NTNG2: variants seen among roughly 807,000 people sequenced by gnomAD.
NTNG2 encodes the protein netrin G2.
A neutral mutation model predicts 47.6 loss-of-function variants in NTNG2; 15 were observed. That is an observed-to-expected ratio of 0.32 (90% confidence interval 0.21 to 0.49). The LOEUF (loss-of-function observed/expected upper bound fraction) is 0.49, where lower values mean the gene tolerates loss of function less well. Ranked by LOEUF, NTNG2 falls within the 20% of genes least tolerant of loss-of-function variation. The probability of loss-of-function intolerance (pLI) is 0.99; values close to 1 mark genes in which losing one functional copy is unlikely to be tolerated. For synonymous variants in NTNG2, 307 were observed against 324.6 expected (o/e 0.95, Z 0.58); for missense variants, 578 against 764.6 (o/e 0.76, Z 2.88).
chr9:132,244,086 TGATG>T lies in NTNG2; in HGVS notation c.*1977_*1980del, dbSNP rs1436144910. On this transcript the variant is annotated 3_prime_UTR_variant, in exon 8 of 8. Coordinates refer to ENST00000393229, the MANE Select transcript of NTNG2 (RefSeq NM_032536.4). The stretch of plus-strand genomic sequence containing the variant: ...CTGGGCAGTGAGATGTAAGCAGGAC[TGATG>T]GGTGGGCTTCCAGAAAGTTCTTAAA... The T allele has an allele frequency of 6.6e-6, 1 of 152,088 alleles. No individual in the cohort carries two copies. The highest frequency in any genetic ancestry group is 1.5e-5 in the Non-Finnish European group (1 of 68,040). The allele number at this position is 152,088 out of a possible 1,614,324, so 9.4% of individuals were successfully genotyped here.
At position 132,198,371 on chromosome 9, in the gene NTNG2, AAGG is replaced by A; in HGVS notation, c.622_624del (p.Glu208del). ...GTACTCGCGCTGGGCAGGCTCCAAG[AAGG>A]AGAAGCACGTGCGCTTCGAGGTGCG... On this transcript the variant is annotated inframe_deletion, in exon 3 of 8. Transcript: ENST00000393229. 2 of 1,612,968 alleles carry A rather than the reference AAGG, an allele frequency of 1.2e-6. No homozygotes were observed. Among genetic ancestry groups the A allele is most frequent in the East Asian group, 2.2e-5 (1 of 44,874 alleles).
Position 132,226,842 on chromosome 9 carries a change from T to TC in NTNG2, c.858-3dup, listed in dbSNP as rs752751550. 1.3e-6 allele frequency: 2 copies of TC among 1,589,244 alleles called. No individual in the cohort carries two copies. Among genetic ancestry groups the TC allele is most frequent in the South Asian group, 1.1e-5 (1 of 88,152 alleles). ...CTGACATCTCTGCCCTCTCGGTGTC[T>TC]CCCCAGGTGCAAGTGCAACCTGCAC... On this transcript the variant is annotated splice_polypyrimidine_tract_variant and splice_region_variant and intron_variant, in intron 3 of 7. Transcript: ENST00000393229. The surrounding 1 kb of genome is among the most constrained non-coding windows in gnomAD (Gnocchi z 4.8).
At chr9:132,207,509 AC>A (rs1259956176) in intron 3 of NTNG2, among the ~76,000 whole-genome samples, 2 of 152,164 alleles carry the variant, frequency 1.3e-5, no homozygotes, top group African/African-American at 4.8e-5. Context: ...CTACAGGGAC[AC>A]CAATCACATC....
At chr9:132,219,640 G>T (rs977138794) in intron 3 of NTNG2, among the ~76,000 whole-genome samples, 1 of 151,640 alleles carries the variant, frequency 6.6e-6, no homozygotes, top group Admixed American at 6.6e-5. Flanking sequence ...ATCACTGACC[G>T]CTTTCACTTG....
chr9:132,238,934 C>A, intron 5 of NTNG2, 170 bp from the exon 6 acceptor site: 1 of 703,310 alleles, frequency 1.4e-6, no homozygotes. Context: ...AGGCCTCTCT[C>A]TTCCTGAATC....
chr9:132,183,917 G>A (rs530102290), intron 2 of NTNG2, among the ~76,000 whole-genome samples: 6 of 152,270 alleles, frequency 3.9e-5, no homozygotes, highest in Non-Finnish European at 8.8e-5. Context: ...TGACCTTAGG[G>A]CCCAGGAATG....
intron 2 of NTNG2, among the ~76,000 whole-genome samples, chr9:132,187,418 G>C (rs1310677073): frequency 1.3e-5 from 2 of 152,206 alleles, no homozygotes; most frequent in Non-Finnish European, 2.9e-5. Flanking sequence ...CTGTTGTCCA[G>C]GGCCTGTGCA....
intron 5 of NTNG2, among the ~76,000 whole-genome samples, chr9:132,235,761 G>A (rs1479588796): frequency 6.6e-6 from 1 of 152,228 alleles, no homozygotes; most frequent in African/African-American, 2.4e-5. Context: ...AGACCCCGGG[G>A]AAGCGCCCTC....
At chr9:132,238,259 C>T (rs947370078) in intron 5 of NTNG2, among the ~76,000 whole-genome samples, 2 of 152,202 alleles carry the variant, frequency 1.3e-5, no homozygotes, top group African/African-American at 4.8e-5. Context: ...GATTCACCTC[C>T]AATCCCTGAG....
intron 2 of NTNG2, among the ~76,000 whole-genome samples, chr9:132,195,457 C>T (rs1293695007): frequency 6.6e-6 from 1 of 150,926 alleles, no homozygotes; most frequent in Non-Finnish European, 1.5e-5. Flanking sequence ...TACAGGCGCC[C>T]ACCACCACGC....
intron 6 of NTNG2, among the ~76,000 whole-genome samples, chr9:132,239,809 A>G (rs1841870689): frequency 6.6e-6 from 1 of 152,252 alleles, no homozygotes; most frequent in African/African-American, 2.4e-5. Flanking sequence ...TGGGAGGCAG[A>G]TCAGATCAAA....
rs1259960335 is a variant in NTNG2, at chr9:132,197,495, C to T, written c.214-471C>T. Among the ~76,000 whole-genome samples the T allele has an allele frequency of 6.6e-6, 1 of 152,152 alleles. No individual in the cohort carries two copies. Among genetic ancestry groups the T allele is most frequent in the African/African-American group, 2.4e-5 (1 of 41,442 alleles). ...TGTGAATGGGAATTTTTGAGGCGGA[C>T]AGAGTGGAAGGGCACATGAAGGAGA... On this transcript the variant is annotated intron_variant, in intron 2 of 7. Transcript: ENST00000393229. The surrounding 1 kb of genome is among the most constrained non-coding windows in gnomAD (Gnocchi z 4.3).
At chr9:132,225,270 T>G (rs571446896) in intron 3 of NTNG2, among the ~76,000 whole-genome samples, 2 of 150,592 alleles carry the variant, frequency 1.3e-5, no homozygotes, top group South Asian at 4.2e-4. Context: ...TTTTGTTTTG[T>G]TTTGTTTTGT....
intron 3 of NTNG2, among the ~76,000 whole-genome samples, chr9:132,216,414 CTGTGTGTGTGTGTATGTG>C (rs141875771): frequency 0.016 from 1,742 of 109,994 alleles, 41 homozygotes; most frequent in African/African-American, 0.051. Context: ...CTCTCTCTCT[CTGTGTGTGTGTGTATGTG>C]TGTGTGTGTG....
chr9:132,195,552 C>T (rs182901359), intron 2 of NTNG2, among the ~76,000 whole-genome samples: 2,310 of 139,010 alleles, frequency 0.017, 67 homozygotes, highest in African/African-American at 0.059. Flanking sequence ...TGGTGTTGAT[C>T]TCCTGACCTC....
Position 132,198,234 on chromosome 9 carries a change from G to T in NTNG2, c.482G>T (p.Trp161Leu). Residue 161 changes from tryptophan (W) to leucine (L), a missense_variant, in exon 3 of 8, where the codon TGG becomes TTG. Physicochemically the swap from Trp to Leu is moderately conservative, Grantham distance 61 (BLOSUM62 -2). Transcript: ENST00000393229. ...LEKSLDNGRT[W>L]QPYQFYAEDC... ...AAGTCCCTGGACAACGGGCGCACCT[G>T]GCAGCCCTACCAGTTCTACGCCGAG... 6.2e-7 allele frequency: 1 copy of T among 1,613,256 alleles called. No homozygotes were observed. The highest frequency in any genetic ancestry group is 2.2e-5 in the East Asian group (1 of 44,886).
intron 6 of NTNG2, 149 bp from the exon 7 acceptor site, chr9:132,240,761 C>T (rs569730244): frequency 5.8e-6 from 7 of 1,204,046 alleles, no homozygotes; most frequent in Non-Finnish European, 8.1e-6. Flanking sequence ...CCCCACCTGC[C>T]GTCCAGCCGC....
In NTNG2 at chr9:132,180,659, G is replaced by A. The variant is rs1046855796; in HGVS notation, c.213+13615G>A. Among the ~76,000 whole-genome samples the A allele has an allele frequency of 1.3e-5, 2 of 152,226 alleles. No homozygotes were observed. The highest frequency in any genetic ancestry group is 2.4e-5 in the African/African-American group (1 of 41,448). Reference sequence around the variant, plus strand: ...TGCAGGTCAACCTCAGAGTCCCACTGTACCCCCAGATTCTGCTTCAGGGAG... The same window carrying A: ...TGCAGGTCAACCTCAGAGTCCCACTATACCCCCAGATTCTGCTTCAGGGAG... On this transcript the variant is annotated intron_variant, in intron 2 of 7. Transcript: ENST00000393229. This position sits in a 1 kb window ranked among gnomAD's most constrained non-coding sequence, Gnocchi z 4.2.
intron 3 of NTNG2, among the ~76,000 whole-genome samples, chr9:132,202,748 A>G (rs1267810732): frequency 6.6e-6 from 1 of 152,160 alleles, no homozygotes; most frequent in Non-Finnish European, 1.5e-5. Flanking sequence ...TCACAGGAGA[A>G]CCATTTAAGA....
Sources: allele counts gnomAD v4.1 joint callset (sites outside exome capture counted in the v4.1 genomes callset), GRCh38; gene constraint gnomAD v4.1.1; non-coding constraint Gnocchi (gnomAD v3.1); transcripts MANE v1.5; gene names NCBI Gene and HGNC (gene_info 2026-07-23, HGNC 2026-07-21).